The following PKP4 variants were observed in gnomAD, a reference collection of about 807,000 sequenced individuals.
The protein encoded by PKP4 is plakophilin-4.
In PKP4, 90 loss-of-function variants were observed where a neutral mutation model predicts 145.1. That is an observed-to-expected ratio of 0.62 (90% CI 0.52 to 0.74). The LOEUF (loss-of-function observed/expected upper bound fraction) is 0.74. PKP4 is among the 30% of genes least tolerant of loss of function. The probability of loss-of-function intolerance (pLI) is 0.00; values close to 1 mark genes in which losing one functional copy is unlikely to be tolerated. For synonymous variants in PKP4, 563 were observed against 577.2 expected, an observed-to-expected ratio of 0.98 and a Z score of 0.35; for missense variants, 1,340 against 1,482.7, an observed-to-expected ratio of 0.90 and a Z score of 1.58.
At chr2:158,623,292 G>C (rs1305016290) in intron 6 of PKP4, among the ~76,000 whole-genome samples, 2 of 152,088 alleles carry the variant, frequency 1.3e-5, no homozygotes, top group Non-Finnish European at 2.9e-5. Flanking sequence ...TCCTGACTCA[G>C]CCTCCTGGAG....
chr2:158,471,987 G>A (rs921205705), intron 1 of PKP4, among the ~76,000 whole-genome samples: 4 of 152,148 alleles, frequency 2.6e-5, no homozygotes, highest in African/African-American at 4.8e-5. Context: ...ACCAAAAAGC[G>A]CTATCTAGGA....
At chr2:158,570,617 A>G (rs1168247468) in intron 2 of PKP4, among the ~76,000 whole-genome samples, 1 of 152,200 alleles carries the variant, frequency 6.6e-6, no homozygotes, top group Admixed American at 6.5e-5. Flanking sequence ...TATAACTGGA[A>G]CTAAGTACTT....
intron 1 of PKP4, among the ~76,000 whole-genome samples, chr2:158,467,079 C>G (rs1417028133): frequency 6.6e-6 from 1 of 152,116 alleles, no homozygotes; most frequent in Admixed American, 6.5e-5. Context: ...TTGTTTTGAC[C>G]TAGTTGGTAT....
chr2:158,624,853 C>A, intron 6 of PKP4, 25 bp from the exon 7 acceptor site: 1 of 1,540,070 alleles, frequency 6.5e-7, no homozygotes, highest in South Asian at 1.3e-5. Flanking sequence ...TAAACCCATT[C>A]TCTTTTTTCC....
chr2:158,538,477 C>A (rs2044246958), intron 2 of PKP4, among the ~76,000 whole-genome samples: 1 of 150,194 alleles, frequency 6.7e-6, no homozygotes, highest in African/African-American at 2.5e-5. Context: ...CATAAAGTTG[C>A]TTGAATAATT....
intron 2 of PKP4, among the ~76,000 whole-genome samples, chr2:158,553,071 A>T (rs895410355): frequency 2.0e-5 from 3 of 152,188 alleles, no homozygotes; most frequent in African/African-American, 7.2e-5. Context: ...ATGGACTTGG[A>T]TATTTAGGTA....
intron 1 of PKP4, among the ~76,000 whole-genome samples, chr2:158,482,567 TGGTC>T (rs1693523099): frequency 1.3e-5 from 2 of 152,106 alleles, no homozygotes; most frequent in Non-Finnish European, 2.9e-5. Flanking sequence ...CCAAGTACGG[TGGTC>T]ATGCCTATAA....
intron 2 of PKP4, among the ~76,000 whole-genome samples, chr2:158,536,663 G>A (rs2044073449): frequency 3.3e-5 from 5 of 152,208 alleles, no homozygotes; most frequent in Admixed American, 3.3e-4. Context: ...GAAGCTAGCT[G>A]TTCCTTGTTC....
chr2:158,490,756 T>C (rs1694825631), intron 1 of PKP4, among the ~76,000 whole-genome samples: 1 of 152,204 alleles, frequency 6.6e-6, no homozygotes. Flanking sequence ...CTCCTGTTTA[T>C]TCTCCTTGGC....
At chr2:158,460,934 C>T (rs1689669727) in intron 1 of PKP4, among the ~76,000 whole-genome samples, 3 of 152,146 alleles carry the variant, frequency 2.0e-5, no homozygotes, top group Admixed American at 6.5e-5. Flanking sequence ...CACAGCCAGA[C>T]AACACTACAG....
At chr2:158,479,772 G>T (rs1559199037) in intron 1 of PKP4, among the ~76,000 whole-genome samples, 1 of 152,136 alleles carries the variant, frequency 6.6e-6, no homozygotes, top group African/African-American at 2.4e-5. Context: ...TTATTCTTTA[G>T]TCTCTGGTTT....
intron 4 of PKP4, among the ~76,000 whole-genome samples, chr2:158,604,892 A>G (rs1036222287): frequency 6.6e-6 from 1 of 152,202 alleles, no homozygotes; most frequent in African/African-American, 2.4e-5. Flanking sequence ...ATAAGGGACA[A>G]CTGAGTTAGA....
chr2:158,502,054 T>C (rs1172264511), intron 1 of PKP4, among the ~76,000 whole-genome samples: 2 of 152,232 alleles, frequency 1.3e-5, no homozygotes, highest in African/African-American at 4.8e-5. Context: ...CTGGAAGCTC[T>C]TATCTAAGTA....
chr2:158,476,995 T>G (rs1430851043), intron 1 of PKP4, among the ~76,000 whole-genome samples: 1 of 152,234 alleles, frequency 6.6e-6, no homozygotes. Context: ...TTATATTCTT[T>G]GTTCTGTGAA....
chr2:158,521,946 G>T (rs6743102), intron 1 of PKP4, among the ~76,000 whole-genome samples: 1 of 151,856 alleles, frequency 6.6e-6, no homozygotes, highest in African/African-American at 2.4e-5. Flanking sequence ...AAATATTCAC[G>T]CTTTCTTTAA....
At chr2:158,626,701 C>A (rs967821988) in intron 7 of PKP4, among the ~76,000 whole-genome samples, 2 of 152,140 alleles carry the variant, frequency 1.3e-5, no homozygotes, top group African/African-American at 4.8e-5. Flanking sequence ...TCATCTTTGC[C>A]AATCTGATAG....
At chr2:158,594,013 G>C (rs1033318163) in intron 3 of PKP4, among the ~76,000 whole-genome samples, 7 of 152,226 alleles carry the variant, frequency 4.6e-5, no homozygotes, top group Admixed American at 1.3e-4. Context: ...TCTGAGCATG[G>C]CCAAGTTTTT....
intron 1 of PKP4, among the ~76,000 whole-genome samples, chr2:158,523,228 CCTGT>C (rs1410421925): frequency 2.7e-5 from 4 of 149,932 alleles, no homozygotes; most frequent in African/African-American, 4.9e-5. Flanking sequence ...CTTAAATGTC[CCTGT>C]CTGACAGCTT....
At chr2:158,643,492 C>T (rs2054501575) in intron 11 of PKP4, among the ~76,000 whole-genome samples, 1 of 152,064 alleles carries the variant, frequency 6.6e-6, no homozygotes, top group African/African-American at 2.4e-5. Flanking sequence ...AAGAGGGTCA[C>T]TTGAGGCCAG....
Sources: gnomAD v4.1 joint callset for allele counts (sites outside exome capture counted in the v4.1 genomes callset) on GRCh38, gnomAD v4.1.1 for gene constraint, MANE v1.5 for transcripts, NCBI Gene and HGNC (gene_info 2026-07-23, HGNC 2026-07-21) for gene names.